Variants in LSAMP observed in about 807,000 individuals in gnomAD.
The protein encoded by LSAMP is limbic system associated membrane protein.
A neutral mutation model predicts 38.6 loss-of-function variants in LSAMP; 7 were observed. The observed-to-expected ratio is 0.18, with a 90% CI of 0.10 to 0.34. The LOEUF is 0.34. Among genes scored for constraint, LSAMP ranks in the 10% least tolerant of loss-of-function variants. LSAMP has a pLI of 1.00. For missense variants in LSAMP, 313 were observed against 420.0 expected, an observed-to-expected ratio of 0.75 and a Z score of 2.23; for synonymous variants, 154 against 166.8, an observed-to-expected ratio of 0.92 and a Z score of 0.59.
chr3:116,148,823 A>G (rs946535768), intron 1 of LSAMP, among the ~76,000 whole-genome samples: 1 of 152,056 alleles, frequency 6.6e-6, no homozygotes, highest in Non-Finnish European at 1.5e-5. Context: ...AGTCCCCACT[A>G]TGTTTCAAAA....
chr3:116,078,415 C>T (rs975295674), intron 2 of LSAMP, among the ~76,000 whole-genome samples: 9 of 151,992 alleles, frequency 5.9e-5, no homozygotes, highest in Non-Finnish European at 8.8e-5. Flanking sequence ...AGCTCCGCCT[C>T]CCGGGTTCAC....
chr3:116,016,212 C>T (rs1940478740), intron 3 of LSAMP, among the ~76,000 whole-genome samples: 1 of 151,978 alleles, frequency 6.6e-6, no homozygotes, highest in Admixed American at 6.6e-5. Flanking sequence ...AACAAACAAA[C>T]AAAAATCCTA....
At chr3:116,062,350 G>A (rs1052943631) in intron 2 of LSAMP, among the ~76,000 whole-genome samples, 6 of 151,966 alleles carry the variant, frequency 3.9e-5, no homozygotes, top group Non-Finnish European at 8.8e-5. Context: ...CTCTACTGAA[G>A]ATACAAAAAT....
intron 1 of LSAMP, among the ~76,000 whole-genome samples, chr3:116,222,720 CTTTTTTTTTTTTTTTTT>C (rs71141863): frequency 3.6e-4 from 18 of 49,928 alleles, no homozygotes; most frequent in African/African-American, 9.5e-4. Flanking sequence ...TCATCCTCTC[CTTTTTTTTTTTTTTTTT>C]TTTTTTTTTT....
intron 1 of LSAMP, among the ~76,000 whole-genome samples, chr3:116,342,020 C>T (rs890309660): frequency 2.9e-4 from 44 of 151,866 alleles, no homozygotes; most frequent in African/African-American, 1.0e-3. Context: ...TGTAAAATAA[C>T]AGTAATAGTA....
chr3:116,337,626 G>A (rs1270017658), intron 1 of LSAMP, among the ~76,000 whole-genome samples: 1 of 151,988 alleles, frequency 6.6e-6, no homozygotes. Context: ...ACCTATAAAA[G>A]TCAACCACTT....
intron 1 of LSAMP, among the ~76,000 whole-genome samples, chr3:116,265,451 C>A (rs1459662855): frequency 6.6e-6 from 1 of 152,170 alleles, no homozygotes; most frequent in Non-Finnish European, 1.5e-5. Context: ...CGGTTCATAG[C>A]CTGCCATCTG....
intron 3 of LSAMP, among the ~76,000 whole-genome samples, chr3:115,943,288 G>T (rs1937990193): frequency 6.6e-6 from 1 of 152,054 alleles, no homozygotes; most frequent in Admixed American, 6.6e-5. Context: ...TCCTGATTTG[G>T]CTCTCACTTC....
intron 3 of LSAMP, among the ~76,000 whole-genome samples, chr3:115,874,378 G>A (rs1487205370): frequency 6.6e-6 from 1 of 151,778 alleles, no homozygotes; most frequent in African/African-American, 2.4e-5. Context: ...CAACCCCTAG[G>A]TTTTTGTCTT....
intron 1 of LSAMP, among the ~76,000 whole-genome samples, chr3:116,250,063 T>C (rs1328707083): frequency 2.0e-5 from 3 of 152,198 alleles, no homozygotes; most frequent in African/African-American, 4.8e-5. Context: ...CATAGTAGTG[T>C]ACAGAAAAAT....
chr3:116,191,840 A>C (rs1257664612), intron 1 of LSAMP, among the ~76,000 whole-genome samples: 1 of 152,086 alleles, frequency 6.6e-6, no homozygotes, highest in Non-Finnish European at 1.5e-5. Context: ...AAATGTACAA[A>C]TCATATCTCT....
intron 1 of LSAMP, among the ~76,000 whole-genome samples, chr3:116,225,142 T>C (rs923633092): frequency 6.6e-6 from 1 of 152,150 alleles, no homozygotes; most frequent in Non-Finnish European, 1.5e-5. Context: ...AAGTACTAAC[T>C]CCCAGTACCC....
rs1047833215 is a variant in LSAMP at position 116,382,998 on chromosome 3, T to C, written c.155+61879A>G. 5.3e-5 allele frequency among the ~76,000 whole-genome samples: 8 copies of C among 152,178 alleles called. 1 individual carries two copies. The highest frequency in any genetic ancestry group is 2.6e-4 in the Admixed American group (4 of 15,276). ...AATGTTAATTTCCCTTTGCCTACTT[T>C]AGCTATTATCTGCCCAGCTATCCAG... On this transcript the variant is annotated intron_variant, in intron 1 of 6. Coordinates refer to ENST00000490035, the MANE Select transcript of LSAMP (RefSeq NM_002338.5).
At chr3:116,049,799 A>T (rs1016545687) in intron 2 of LSAMP, among the ~76,000 whole-genome samples, 2 of 152,214 alleles carry the variant, frequency 1.3e-5, no homozygotes, top group Non-Finnish European at 2.9e-5. Context: ...CATTTTAATC[A>T]ACATCAATTG....
chr3:116,143,523 A>G (rs1401689444), intron 1 of LSAMP, among the ~76,000 whole-genome samples: 1 of 151,966 alleles, frequency 6.6e-6, no homozygotes, highest in African/African-American at 2.4e-5. Flanking sequence ...GCTGTTCTCC[A>G]TAATGTGCTT....
intron 3 of LSAMP, among the ~76,000 whole-genome samples, chr3:115,926,251 T>C (rs1398842902): frequency 6.6e-6 from 1 of 152,126 alleles, no homozygotes; most frequent in Non-Finnish European, 1.5e-5. Flanking sequence ...AATGGTAACA[T>C]GTCTGATATC....
intron 3 of LSAMP, among the ~76,000 whole-genome samples, chr3:115,879,778 C>A (rs1027858648): frequency 1.3e-5 from 2 of 152,044 alleles, no homozygotes; most frequent in Admixed American, 6.6e-5. Context: ...ACAAAAGAGG[C>A]CTGGGTAAAA....
intron 6 of LSAMP, among the ~76,000 whole-genome samples, chr3:115,826,956 C>CTTTT (rs67125824): frequency 1.5e-5 from 2 of 133,476 alleles, no homozygotes; most frequent in East Asian, 2.3e-4. Flanking sequence ...ATCATTCCGT[C>CTTTT]TTTTTTTTTT....
At chr3:115,888,594 G>A (rs765238355) in intron 3 of LSAMP, among the ~76,000 whole-genome samples, 5 of 151,978 alleles carry the variant, frequency 3.3e-5, no homozygotes, top group East Asian at 3.9e-4. Context: ...AAACTGATCC[G>A]AATCCACTCC....
Sources: allele counts gnomAD v4.1 joint callset (sites outside exome capture counted in the v4.1 genomes callset), GRCh38; gene constraint gnomAD v4.1.1; transcripts MANE v1.5; gene names NCBI Gene and HGNC (gene_info 2026-07-23, HGNC 2026-07-21).